OR51L1: variants seen among roughly 807,000 people sequenced by gnomAD.
The protein encoded by OR51L1 is olfactory receptor family 51 subfamily L member 1.
Under a neutral mutation model 1.4 loss-of-function variants are expected in OR51L1, and 1 was observed. The observed-to-expected ratio is 0.72, with a 90% CI of 0.26 to 3.42. The LOEUF (loss-of-function observed/expected upper bound fraction) is 3.42. OR51L1 is among the 30% of genes most tolerant of loss of function. The pLI is 0.20. For missense variants in OR51L1, 378 were observed against 380.0 expected, an observed-to-expected ratio of 0.99 and a Z score of 0.04; for synonymous variants, 156 against 144.2, an observed-to-expected ratio of 1.08 and a Z score of -0.59.
rs1847120550 is a variant in OR51L1, at chr11:5,000,503, T to C, written c.*573T>C. On this transcript the variant is annotated 3_prime_UTR_variant, in exon 3 of 3. Transcript: ENST00000641819. ...TCTCATCACTTAGTGATGTGTCCTT[T>C]CTCTCATTGCTATTCTAGATCTATC... The C allele has an allele frequency of 6.6e-6, 1 of 152,462 alleles. No homozygotes were observed. The highest frequency in any genetic ancestry group is 1.5e-5 in the Non-Finnish European group (1 of 68,246). The allele number at this position is 152,462 out of a possible 1,614,324, so 9.4% of individuals were successfully genotyped here.
chr11:4,997,765 C>T (rs1282530491), intron 2 of OR51L1, among the ~76,000 whole-genome samples, 182 bp downstream of exon 2: 1 of 152,092 alleles, frequency 6.6e-6, no homozygotes, highest in Non-Finnish European at 1.5e-5. Flanking sequence ...ATTACAATAA[C>T]AATTGCTGAG....
At chr11:4,997,713 A>T (rs1372736245) in intron 2 of OR51L1, 130 bp downstream of exon 2, 1 of 152,226 alleles carries the variant, frequency 6.6e-6, no homozygotes. Context: ...ACACAGTATG[A>T]TACAGCAAGG....
At chr11:4,998,084 C>T (rs1847088159) in intron 2 of OR51L1, among the ~76,000 whole-genome samples, 1 of 151,956 alleles carries the variant, frequency 6.6e-6, no homozygotes, top group Admixed American at 6.6e-5. Flanking sequence ...GCATTGTTCT[C>T]ATTTTGTGGA....
rs1847096156 is a variant in OR51L1 at position 4,998,842 on chromosome 11, G to A, written c.-141G>A. 1 of 898,224 alleles carries A rather than the reference G, an allele frequency of 1.1e-6. No individual in the cohort carries two copies. Among genetic ancestry groups the A allele is most frequent in the South Asian group, 1.8e-5 (1 of 55,056 alleles). The allele number at this position is 898,224 out of a possible 1,614,324, so 55.6% of individuals were successfully genotyped here. On this transcript the variant is annotated 5_prime_UTR_variant, in exon 3 of 3. Coordinates refer to ENST00000641819, the MANE Select transcript of OR51L1 (RefSeq NM_001004755.2). Reference sequence around the variant, plus strand: ...TACATAGGGCCGACAAGAGATACCAGCTTCCTTCCTCTGTGAGGTTAGACG... The same window carrying A: ...TACATAGGGCCGACAAGAGATACCAACTTCCTTCCTCTGTGAGGTTAGACG...
Position 5,000,202 on chromosome 11 carries a change from A to T in OR51L1, c.*272A>T. ...GTCAAGTTTTTTGAAAACTATACAA[A>T]ATTATTAATGTTATTAAGTTGTCAT... On this transcript the variant is annotated 3_prime_UTR_variant, in exon 3 of 3. Coordinates refer to ENST00000641819, the MANE Select transcript of OR51L1 (RefSeq NM_001004755.2). 6.4e-6 allele frequency: 2 copies of T among 311,578 alleles called. No individual in the cohort carries two copies. Among genetic ancestry groups the T allele is most frequent in the Non-Finnish European group, 5.9e-6 (1 of 170,028 alleles). The allele number at this position is 311,578 out of a possible 1,614,324, so 19.3% of individuals were successfully genotyped here.
chr11:4,999,417 A>T lies in OR51L1; in HGVS notation c.435A>T (p.Lys145Asn). Reference protein sequence around the residue: ...PTILTNSVIGKIGLACLLRSL... With the variant: ...PTILTNSVIGNIGLACLLRSL... ...TCCTCACCAACAGTGTAATTGGCAA[A>T]ATTGGTTTGGCCTGTTTGCTACGAA... Residue 145 changes from lysine (K) to asparagine (N), a missense_variant, in exon 3 of 3, where the codon AAA becomes AAT. Physicochemically the swap from Lys to Asn is moderately conservative, Grantham distance 94. Transcript: ENST00000641819. 6.2e-7 allele frequency: 1 copy of T among 1,614,072 alleles called. No homozygotes were observed. The highest frequency in any genetic ancestry group is 2.2e-5 in the East Asian group (1 of 44,858).
Position 4,999,336 on chromosome 11 carries a change from G to A in OR51L1, c.354G>A (p.Leu118=), listed in dbSNP as rs1310618860. ...CATTCCTGGAGTCCTCAGTGTTGCTGGCCATGGCCTTTGACCGTTTTGTTG... is the reference window on the plus strand; with the variant it reads ...CATTCCTGGAGTCCTCAGTGTTGCTAGCCATGGCCTTTGACCGTTTTGTTG... The part of the protein sequence containing the change: ...TFTFLESSVL[L]AMAFDRFVAI... The change falls in exon 3 of 3, where the codon CTG becomes CTA. Residue 118 remains leucine, a synonymous_variant. Coordinates refer to ENST00000641819, the MANE Select transcript of OR51L1 (RefSeq NM_001004755.2). 3 of 1,614,086 alleles carry A rather than the reference G, an allele frequency of 1.9e-6. No homozygotes were observed. Among genetic ancestry groups the A allele is most frequent in the Non-Finnish European group, 2.5e-6 (3 of 1,180,028 alleles).
chr11:4,995,362 T>C (rs1415216925), intron 1 of OR51L1, 27 bp downstream of exon 1: 4 of 152,082 alleles, frequency 2.6e-5, no homozygotes, highest in Admixed American at 6.6e-5. Context: ...AAATTATAAA[T>C]AGTTGGTAGA....
rs150476529 is a variant in OR51L1, at chr11:4,997,040, C to T, written c.-261-442C>T. On this transcript the variant is annotated intron_variant, in intron 1 of 2. Coordinates refer to ENST00000641819, the MANE Select transcript of OR51L1 (RefSeq NM_001004755.2). Reference sequence around the variant, plus strand: ...TGGGTGTGAAGAATTTGATGGGTAGCTGACTGCTTTATTTAAGACGAGGGT... The same window carrying T: ...TGGGTGTGAAGAATTTGATGGGTAGTTGACTGCTTTATTTAAGACGAGGGT... 1.4e-3 allele frequency among the ~76,000 whole-genome samples: 207 copies of T among 152,190 alleles called. 3 individuals are homozygous for T. The highest frequency in any genetic ancestry group is 6.8e-3 in the Middle Eastern group (2 of 294).
rs761406267 is a variant in OR51L1 at position 4,999,163 on chromosome 11, A to G, written c.181A>G (p.Met61Val). Residue 61 changes from methionine (M) to valine (V), a missense_variant, in exon 3 of 3, where the codon ATG (methionine) becomes GTG (valine). Physicochemically the swap from Met to Val is conservative, Grantham distance 21. Coordinates refer to ENST00000641819, the MANE Select transcript of OR51L1 (RefSeq NM_001004755.2). ...GATAGAATCCTCTCTCCATCAGCCCATGTATTACTTTATTTCCATCTTAGC... is the reference window on the plus strand; with the variant it reads ...GATAGAATCCTCTCTCCATCAGCCCGTGTATTACTTTATTTCCATCTTAGC... The part of the protein sequence containing the change: ...IWIESSLHQP[M>V]YYFISILAVN... 4.3e-6 allele frequency: 7 copies of G among 1,613,946 alleles called. No homozygotes were observed. The South Asian group carries it at 4.4e-5, about 10-fold the overall frequency.
At position 4,999,383 on chromosome 11, in the gene OR51L1, AC is replaced by A; in HGVS notation, c.405del (p.Thr136ProfsTer7). 1 of 1,614,036 alleles carries A rather than the reference AC, an allele frequency of 6.2e-7. No individual in the cohort carries two copies. The highest frequency in any genetic ancestry group is 8.5e-7 in the Non-Finnish European group (1 of 1,180,008). On this transcript the variant is annotated frameshift_variant, in exon 3 of 3. Coordinates refer to ENST00000641819, the MANE Select transcript of OR51L1 (RefSeq NM_001004755.2). LOFTEE classifies it low-confidence loss of function (END_TRUNC). ...RFVAICHPLH[Y>X]PTILTNSVIG... ...GTTGCTATCTGCCATCCACTGCACT[AC>A]CCCACCATCCTCACCAACAGTGTAA... is the stretch of plus-strand genomic sequence containing the variant.
In OR51L1 at chr11:4,999,570, C is replaced by T. The variant is rs144517029; in HGVS notation, c.588C>T (p.Thr196=). 1.2e-5 allele frequency: 19 copies of T among 1,613,834 alleles called. No individual in the cohort carries two copies. The African/African-American group carries it at 2.4e-4, about 20-fold the overall frequency. Residue 196 remains threonine, a synonymous_variant, in exon 3 of 3, where the codon ACC becomes ACT. Transcript: ENST00000641819. ...GATTATCCTGTACAGATGCCAGGAC[C>T]AACAGTATTTATGGGCTTTGTGTAG... is the stretch of plus-strand genomic sequence containing the variant. ...VLRLSCTDAR[T]NSIYGLCVVI... is the part of the protein sequence containing the mutation.
rs1043178885 is a variant in OR51L1 at position 5,004,642 on chromosome 11, A to G, written c.*4712A>G. ...GTCCCTGCGGCACCCTCTGCTGGCC[A>G]AGTTTAACATCATGAATCTGTGAAG... On this transcript the variant is annotated 3_prime_UTR_variant, in exon 3 of 3. Coordinates refer to ENST00000641819, the MANE Select transcript of OR51L1 (RefSeq NM_001004755.2). 2.5e-4 allele frequency: 38 copies of G among 152,276 alleles called. No homozygotes were observed. The highest frequency in any genetic ancestry group is 8.7e-4 in the African/African-American group (36 of 41,576). 9.4% of individuals were successfully genotyped at this position (152,276 alleles called of 1,614,324 possible).
rs1209375912 is a variant in OR51L1, at chr11:5,002,405, A to G, written c.*2475A>G. ...CGTTCTTCAGTCTAACTTAAAACTT[A>G]CCCAAAGCATTTTGCATTTCCTCCC... On this transcript the variant is annotated 3_prime_UTR_variant, in exon 3 of 3. Coordinates refer to ENST00000641819, the MANE Select transcript of OR51L1 (RefSeq NM_001004755.2). 2 of 152,148 alleles carry G rather than the reference A, an allele frequency of 1.3e-5. No homozygotes were observed. Among genetic ancestry groups the G allele is most frequent in the African/African-American group, 4.8e-5 (2 of 41,420 alleles). 9.4% of individuals were successfully genotyped at this position (152,148 alleles called of 1,614,324 possible).
intron 2 of OR51L1, among the ~76,000 whole-genome samples, chr11:4,998,379 T>G (rs1294428645): frequency 6.6e-6 from 1 of 152,034 alleles, no homozygotes; most frequent in Non-Finnish European, 1.5e-5. Context: ...TGGATTCTGG[T>G]ATTATGGATT....
In OR51L1 at chr11:4,998,956, C is replaced by G. The variant is rs1163842964; in HGVS notation, c.-27C>G. The G allele has an allele frequency of 6.3e-6, 10 of 1,597,312 alleles. No homozygotes were observed. The highest frequency in any genetic ancestry group is 1.1e-5 in the South Asian group (1 of 88,560). On this transcript the variant is annotated 5_prime_UTR_variant, in exon 3 of 3. Transcript: ENST00000641819. ...GAAGGAAAACACGAACCATTCCTCACTACTTGCTGAATTACTCAAAGTCAC... is the reference window on the plus strand; with the variant it reads ...GAAGGAAAACACGAACCATTCCTCAGTACTTGCTGAATTACTCAAAGTCAC...
In OR51L1 at chr11:5,005,209, C is replaced by G. The variant is rs1290835708; in HGVS notation, c.*5279C>G. On this transcript the variant is annotated 3_prime_UTR_variant, in exon 3 of 3. Coordinates refer to ENST00000641819, the MANE Select transcript of OR51L1 (RefSeq NM_001004755.2). ...CTAAAACTCCACACCGATTATGTCA[C>G]TTACAAGTTTATCTTCCCAGGTGCA... is the stretch of plus-strand genomic sequence containing the variant. 6.6e-6 allele frequency: 1 copy of G among 152,232 alleles called. No homozygotes were observed. The highest frequency in any genetic ancestry group is 1.5e-5 in the Non-Finnish European group (1 of 68,046). The allele number at this position is 152,232 out of a possible 1,614,324, so 9.4% of individuals were successfully genotyped here.
Position 5,000,105 on chromosome 11 carries a change from A to G in OR51L1, c.*175A>G. ...ATGAAACTCAGGATTTTTTTGGACA[A>G]ATTGTGACAACTATGGCCTTACGTT... On this transcript the variant is annotated 3_prime_UTR_variant, in exon 3 of 3. Transcript: ENST00000641819. 1.5e-6 allele frequency: 1 copy of G among 656,508 alleles called. No individual in the cohort carries two copies. The highest frequency in any genetic ancestry group is 2.4e-6 in the Non-Finnish European group (1 of 409,548). The allele number at this position is 656,508 out of a possible 1,614,324, so 40.7% of individuals were successfully genotyped here. A position where few individuals can be genotyped will look rare whatever the true frequency, so the allele number is the denominator to read the frequency against.
At chr11:4,996,396 C>A (rs536788808) in intron 1 of OR51L1, among the ~76,000 whole-genome samples, 1 of 152,148 alleles carries the variant, frequency 6.6e-6, no homozygotes, top group African/African-American at 2.4e-5. Flanking sequence ...AGAAATATTC[C>A]TGCCTGTCCT....
Sources: gnomAD v4.1 joint callset for allele counts (sites outside exome capture counted in the v4.1 genomes callset) on GRCh38, gnomAD v4.1.1 for gene constraint, MANE v1.5 for transcripts, NCBI Gene and HGNC (gene_info 2026-07-23, HGNC 2026-07-21) for gene names.